The following DIAPH3 variants were observed in gnomAD, a reference collection of about 807,000 sequenced individuals.
The protein encoded by DIAPH3 is diaphanous related formin 3.
DIAPH3 carries 117 observed loss-of-function variants against 144.3 expected under a neutral mutation model. The observed-to-expected ratio is 0.81, with a 90% CI of 0.70 to 0.95. The LOEUF (loss-of-function observed/expected upper bound fraction) is 0.95, where lower values mean the gene tolerates loss of function less well. DIAPH3 is among the 40% of genes least tolerant of loss of function. The pLI is 0.00. For synonymous variants in DIAPH3, 519 were observed against 488.9 expected (o/e 1.06, Z -0.81); for missense variants, 1,421 against 1,412.7 (o/e 1.01, Z -0.09).
chr13:59,753,452 G>C (rs1022501457), intron 27 of DIAPH3, among the ~76,000 whole-genome samples: 24 of 152,166 alleles, frequency 1.6e-4, no homozygotes, highest in Non-Finnish European at 2.9e-4. Context: ...GGACTCAAAA[G>C]TGTACTGCAT....
chr13:59,992,818 G>A (rs2051918999), intron 9 of DIAPH3, among the ~76,000 whole-genome samples: 3 of 140,300 alleles, frequency 2.1e-5, no homozygotes, highest in African/African-American at 8.0e-5. Context: ...AAAAATATTA[G>A]CCGTTACTAC....
rs2031970617 is a variant in DIAPH3, at chr13:59,665,590, TC to T, written c.*993del. The T allele has an allele frequency of 6.5e-6, 1 of 152,672 alleles. No homozygotes were observed. Among genetic ancestry groups the T allele is most frequent in the South Asian group, 2.1e-4 (1 of 4,836 alleles). 9.5% of individuals were successfully genotyped at this position (152,672 alleles called of 1,614,324 possible). On this transcript the variant is annotated 3_prime_UTR_variant, in exon 28 of 28. Transcript: ENST00000400324. ...GAGAGACAAAAGAAAGCATTTTTTT[TC>T]ATTTAGTGCAAGTAGCAAGTTTATT... is the stretch of plus-strand genomic sequence containing the variant.
intron 25 of DIAPH3, among the ~76,000 whole-genome samples, chr13:59,806,038 T>C (rs1281532585): frequency 1.3e-5 from 2 of 151,964 alleles, no homozygotes; most frequent in Non-Finnish European, 2.9e-5. Context: ...CAGTTCTTAT[T>C]TGCATGGAGA....
chr13:59,861,933 A>C (rs1331135485), intron 21 of DIAPH3, among the ~76,000 whole-genome samples: 2 of 152,238 alleles, frequency 1.3e-5, no homozygotes, highest in Admixed American at 6.5e-5. Context: ...AACAACAAAT[A>C]AAACATAGAC....
chr13:59,773,832 T>C (rs991564128), intron 27 of DIAPH3, among the ~76,000 whole-genome samples: 69 of 152,322 alleles, frequency 4.5e-4, no homozygotes, highest in African/African-American at 1.6e-3. Context: ...AGATGACAGA[T>C]TTAATACTTC....
chr13:60,014,763 C>G (rs958688482), intron 7 of DIAPH3, among the ~76,000 whole-genome samples: 2 of 152,044 alleles, frequency 1.3e-5, no homozygotes, highest in African/African-American at 4.8e-5. Context: ...AAATTTCCCC[C>G]CCTGCTGTCT....
intron 4 of DIAPH3, among the ~76,000 whole-genome samples, chr13:60,051,767 C>T (rs528064484): frequency 2.6e-5 from 4 of 152,090 alleles, no homozygotes; most frequent in Non-Finnish European, 4.4e-5. Flanking sequence ...GATTCTGGTA[C>T]CTTGTCAGAT....
chr13:60,162,512 A>G (rs1952340046), intron 1 of DIAPH3, among the ~76,000 whole-genome samples: 1 of 152,178 alleles, frequency 6.6e-6, no homozygotes, highest in Admixed American at 6.6e-5. Context: ...TCCTTCTGCA[A>G]AATGTCACTA....
intron 25 of DIAPH3, among the ~76,000 whole-genome samples, chr13:59,810,035 T>C (rs1487631622): frequency 6.6e-6 from 1 of 152,146 alleles, no homozygotes; most frequent in African/African-American, 2.4e-5. Context: ...TTGAAATACA[T>C]ATATACATAT....
intron 4 of DIAPH3, among the ~76,000 whole-genome samples, chr13:60,051,876 G>A (rs1274481166): frequency 2.6e-5 from 4 of 152,150 alleles, no homozygotes; most frequent in Non-Finnish European, 5.9e-5. Flanking sequence ...TGAGAACACC[G>A]AGCTGAAGGT....
chr13:59,889,609 ACTT>A (rs1017709814), intron 20 of DIAPH3, among the ~76,000 whole-genome samples: 5 of 151,540 alleles, frequency 3.3e-5, no homozygotes, highest in African/African-American at 7.3e-5. Context: ...GCCATTTTGG[ACTT>A]CTTTTTTTCT....
At chr13:59,845,013 C>T (rs1240918174) in intron 22 of DIAPH3, among the ~76,000 whole-genome samples, 1 of 150,258 alleles carries the variant, frequency 6.7e-6, no homozygotes, top group African/African-American at 2.4e-5. Context: ...TTTTTTCTTT[C>T]TCTTTTTTTT....
intron 15 of DIAPH3, among the ~76,000 whole-genome samples, chr13:59,971,863 T>C (rs1190381810): frequency 1.3e-5 from 2 of 152,196 alleles, no homozygotes; most frequent in African/African-American, 4.8e-5. Flanking sequence ...GAACATTCTC[T>C]TCACCTGACC....
At position 59,800,734 on chromosome 13, in the gene DIAPH3, A is replaced by G. The variant is rs568362751; in HGVS notation, c.3163+10054T>C. On this transcript the variant is annotated intron_variant, in intron 25 of 27. Transcript: ENST00000400324. ...GGAACGGGTCTCTGAAAGTTTGTCT[A>G]TGGGTAGTGGGAGCAGAACTAGCAT... is the stretch of plus-strand genomic sequence containing the variant. 4.6e-5 allele frequency among the ~76,000 whole-genome samples: 7 copies of G among 152,276 alleles called. 1 individual carries two copies. The South Asian group carries it at 1.0e-3, about 23-fold the overall frequency.
At chr13:59,872,087 T>C (rs2044316065) in intron 21 of DIAPH3, among the ~76,000 whole-genome samples, 1 of 152,180 alleles carries the variant, frequency 6.6e-6, no homozygotes, top group Non-Finnish European at 1.5e-5. Context: ...ATATCTGCTC[T>C]AGTATATATT....
chr13:60,051,602 A>T (rs1348284752), intron 4 of DIAPH3, among the ~76,000 whole-genome samples: 2 of 152,114 alleles, frequency 1.3e-5, no homozygotes, highest in Non-Finnish European at 2.9e-5. Context: ...CCTGGGCAAC[A>T]AGAAACTCCG....
intron 15 of DIAPH3, among the ~76,000 whole-genome samples, chr13:59,974,107 A>G (rs994007629): frequency 6.6e-5 from 10 of 152,158 alleles, no homozygotes; most frequent in African/African-American, 2.2e-4. Flanking sequence ...ATTACTTAGG[A>G]AACATGTGAC....
intron 27 of DIAPH3, among the ~76,000 whole-genome samples, chr13:59,717,473 C>T (rs1286510311): frequency 6.6e-6 from 1 of 151,660 alleles, no homozygotes; most frequent in Non-Finnish European, 1.5e-5. Flanking sequence ...ATTTGCCACC[C>T]AACAGCCCAC....
rs567367526 is a variant in DIAPH3, at chr13:59,771,820, G to A, written c.3319+2369C>T. Among the ~76,000 whole-genome samples, 22 of 152,142 alleles carry A rather than the reference G, an allele frequency of 1.4e-4. No homozygotes were observed. In the East Asian group the frequency reaches 4.1e-3, roughly 28 times the overall value. On this transcript the variant is annotated intron_variant, in intron 27 of 27. Transcript: ENST00000400324. ...CTCTCTGATAGAAATATTTGAGAAG[G>A]TTAAATGGGTAATATGCATAAAATA...
Sources: gnomAD v4.1 joint callset for allele counts (sites outside exome capture counted in the v4.1 genomes callset) on GRCh38, gnomAD v4.1.1 for gene constraint, MANE v1.5 for transcripts, NCBI Gene and HGNC (gene_info 2026-07-23, HGNC 2026-07-21) for gene names.